Variants in ZNF23 observed in about 807,000 individuals in gnomAD.
The protein encoded by ZNF23 is zinc finger protein 23.
A neutral mutation model predicts 56.2 loss-of-function variants in ZNF23; 48 were observed. The observed-to-expected ratio is 0.85, with a 90% confidence interval of 0.68 to 1.09. ZNF23 has a LOEUF of 1.09. Ranked by LOEUF, ZNF23 falls within the 50% of genes least tolerant of loss-of-function variation. ZNF23 has a pLI of 0.00. For missense variants in ZNF23, 805 were observed against 811.4 expected, an observed-to-expected ratio of 0.99 and a Z score of 0.10; for synonymous variants, 266 against 283.3, an observed-to-expected ratio of 0.94 and a Z score of 0.61.
At chr16:71,459,968 T>C (rs1370215609) in intron 1 of ZNF23, among the ~76,000 whole-genome samples, 4 of 152,222 alleles carry the variant, frequency 2.6e-5, no homozygotes, top group African/African-American at 4.8e-5. Context: ...TGTAGTGTGA[T>C]AGCTACCCCG....
At chr16:71,457,309 A>G (rs920166492) in intron 1 of ZNF23, among the ~76,000 whole-genome samples, 1 of 152,156 alleles carries the variant, frequency 6.6e-6, no homozygotes, top group Non-Finnish European at 1.5e-5. Flanking sequence ...TCAAGCCTGT[A>G]ATCCCAGCAC....
rs1490348458 is a variant in ZNF23 at position 71,453,316 on chromosome 16, T to C, written c.195A>G (p.Gln65=). The stretch of plus-strand genomic sequence containing the variant: ...CCCCCAGCTCACTTCCTCCCTCCAG[T>C]TGTGAGATCACAGCAGGTTTGAGAA... ...FPLLKPAVIS[Q]LEGGSELGGS... Residue 65 remains glutamine (Q), a synonymous_variant, in exon 4 of 5, where the codon CAA becomes CAG. Coordinates refer to ENST00000647773, the MANE Select transcript of ZNF23 (RefSeq NM_001381984.1). 2 of 1,605,292 alleles carry C rather than the reference T, an allele frequency of 1.2e-6. No individual in the cohort carries two copies. The highest frequency in any genetic ancestry group is 2.2e-5 in the South Asian group (2 of 89,002).
At chr16:71,457,201 G>A (rs892102274) in intron 1 of ZNF23, among the ~76,000 whole-genome samples, 2 of 152,180 alleles carry the variant, frequency 1.3e-5, no homozygotes, top group African/African-American at 4.8e-5. Flanking sequence ...AGGCCAAGGC[G>A]GGTGGATCAC....
In ZNF23 at chr16:71,449,414, G is replaced by A; in HGVS notation, c.740C>T (p.Ala247Val). 1 of 1,614,200 alleles carries A rather than the reference G, an allele frequency of 6.2e-7. No individual in the cohort carries two copies. The highest frequency in any genetic ancestry group is 8.5e-7 in the Non-Finnish European group (1 of 1,180,042). The change falls in exon 5 of 5, where the codon GCT (alanine) becomes GTT (valine). Residue 247 changes from alanine to valine, a missense_variant. Ala to Val is a moderately conservative substitution (Grantham distance 64). Coordinates refer to ENST00000647773, the MANE Select transcript of ZNF23 (RefSeq NM_001381984.1). Reference sequence around the variant, plus strand: ...AATTAATTTCTCATTAATGCTGAAAGCTTTGCCACACTCCGAACACTGATA... The same window carrying A: ...AATTAATTTCTCATTAATGCTGAAAACTTTGCCACACTCCGAACACTGATA... ...KPYQCSECGK[A>V]FSINEKLIWH...
rs1356151869 is a variant in ZNF23 at position 71,449,292 on chromosome 16, T to C, written c.862A>G (p.Ile288Val). 2.5e-6 allele frequency: 4 copies of C among 1,614,072 alleles called. No homozygotes were observed. Among genetic ancestry groups the C allele is most frequent in the African/African-American group, 2.7e-5 (2 of 74,928 alleles). Residue 288 changes from isoleucine (I) to valine (V), a missense_variant, in exon 5 of 5, where the codon ATC becomes GTC. Ile to Val is a conservative substitution (Grantham distance 29). Coordinates refer to ENST00000647773, the MANE Select transcript of ZNF23 (RefSeq NM_001381984.1). ...TGATAGGGCTTCTCCCCACTGTGGA[T>C]TGTCTGATGTGTGATATAATGGGAA... Reference protein sequence around the residue: ...YSSHYITHQTIHSGEKPYQCK... With the variant: ...YSSHYITHQTVHSGEKPYQCK...
At chr16:71,456,504 TG>T (rs2043238073) in intron 2 of ZNF23, among the ~76,000 whole-genome samples, 1 of 152,088 alleles carries the variant, frequency 6.6e-6, no homozygotes, top group Non-Finnish European at 1.5e-5. Context: ...AGCCCTATGC[TG>T]GGGGTGCTCC....
chr16:71,448,990 G>A lies in ZNF23; in HGVS notation c.1164C>T (p.Phe388=). The A allele has an allele frequency of 1.9e-6, 3 of 1,614,208 alleles. No individual in the cohort carries two copies. Among genetic ancestry groups the A allele is most frequent in the Non-Finnish European group, 1.7e-6 (2 of 1,180,030 alleles). ...PYECNECGKG[F]RCSSQLRQHQ... ...GCTGCCTAAGCTGGGAGCTGCACCT[G>A]AAGCCTTTTCCACATTCATTACATT... Residue 388 remains phenylalanine (F), a synonymous_variant, in exon 5 of 5, where the codon TTC becomes TTT. Coordinates refer to ENST00000647773, the MANE Select transcript of ZNF23 (RefSeq NM_001381984.1).
intron 1 of ZNF23, among the ~76,000 whole-genome samples, chr16:71,460,316 T>C (rs1477934205): frequency 1.5e-5 from 2 of 136,626 alleles, no homozygotes; most frequent in Non-Finnish European, 3.2e-5. Flanking sequence ...CCCAAGGGGA[T>C]AGTTTTTTTT....
intron 2 of ZNF23, among the ~76,000 whole-genome samples, chr16:71,455,804 C>T (rs1055720304): frequency 5.9e-5 from 9 of 152,336 alleles, no homozygotes; most frequent in African/African-American, 2.2e-4. Flanking sequence ...TTATTCCATA[C>T]ACATCACAAA....
At chr16:71,458,991 T>A (rs1597004293) in intron 1 of ZNF23, among the ~76,000 whole-genome samples, 1 of 152,374 alleles carries the variant, frequency 6.6e-6, no homozygotes, top group Admixed American at 6.5e-5. Flanking sequence ...TTGTTTTAAA[T>A]TCACTAATTC....
At chr16:71,453,604 G>C (rs560162579) in intron 3 of ZNF23, 1 of 496,822 alleles carries the variant, frequency 2.0e-6, no homozygotes, top group East Asian at 3.3e-5. Flanking sequence ...AGCCTGGTTA[G>C]GGCCCAGACT....
In ZNF23 at chr16:71,448,356, C is replaced by T; in HGVS notation, c.1798G>A (p.Glu600Lys). The change falls in exon 5 of 5, where the codon GAG becomes AAG. Residue 600 changes from glutamate to lysine, a missense_variant. By Grantham distance (56) the Glu-to-Lys change is moderately conservative. Coordinates refer to ENST00000647773, the MANE Select transcript of ZNF23 (RefSeq NM_001381984.1). ...CACTCCTTACACTGAAAGGGTTTCTCTCCTGTATGGATTCTCTGGTGCACA... is the reference window on the plus strand; with the variant it reads ...CACTCCTTACACTGAAAGGGTTTCTTTCCTGTATGGATTCTCTGGTGCACA... Reference protein sequence around the residue: ...YIVHQRIHTGEKPFQCKECGK... With the variant: ...YIVHQRIHTGKKPFQCKECGK... 1.9e-6 allele frequency: 3 copies of T among 1,614,072 alleles called. No homozygotes were observed. The highest frequency in any genetic ancestry group is 2.5e-6 in the Non-Finnish European group (3 of 1,180,000).
At chr16:71,454,426 T>C (rs183045155) in intron 2 of ZNF23, among the ~76,000 whole-genome samples, 4 of 151,752 alleles carry the variant, frequency 2.6e-5, no homozygotes, top group African/African-American at 2.4e-5. Context: ...AAGAAAAAAA[T>C]TTCCATAAGC....
chr16:71,448,553 A>G lies in ZNF23; in HGVS notation c.1601T>C (p.Leu534Pro). The change falls in exon 5 of 5, where the codon CTA becomes CCA. Residue 534 changes from leucine to proline, a missense_variant. Physicochemically the swap from Leu to Pro is moderately conservative, Grantham distance 98 (BLOSUM62 -3). Transcript: ENST00000647773. ...AGTATGGATTCGGTGATGATCAAGT[A>G]GGTTTCTTTTAGAAGTAAAGCATCT... ...CGRCFTSKRN[L>P]LDHHRIHTGE... 1.2e-6 allele frequency: 2 copies of G among 1,613,584 alleles called. No homozygotes were observed. Among genetic ancestry groups the G allele is most frequent in the Non-Finnish European group, 1.7e-6 (2 of 1,179,902 alleles).
chr16:71,461,101 A>AT (rs1338413679), intron 1 of ZNF23, among the ~76,000 whole-genome samples: 1 of 152,174 alleles, frequency 6.6e-6, no homozygotes, highest in Non-Finnish European at 1.5e-5. Context: ...ATATGTAATT[A>AT]TTTTTTAAAA....
chr16:71,456,570 C>T, intron 2 of ZNF23, 194 bp downstream of exon 2: 1 of 389,900 alleles, frequency 2.6e-6, no homozygotes, highest in Non-Finnish European at 3.5e-6. Context: ...CTCCTGCTCT[C>T]CTGCTCACTC....
chr16:71,449,201 G>C lies in ZNF23; in HGVS notation c.953C>G (p.Thr318Arg), dbSNP rs138342039. Residue 318 changes from threonine to arginine, a missense_variant, in exon 5 of 5, where the codon ACG becomes AGG. Coordinates refer to ENST00000647773, the MANE Select transcript of ZNF23 (RefSeq NM_001381984.1). ...CTTGCACTGATAGGGCTTCTCTCCC[G>C]TATGGATTCTCTGATGCCTACTTAG... ...GSLSRHQRIH[T>R]GEKPYQCKEC... 3.1e-6 allele frequency: 5 copies of C among 1,614,028 alleles called. No homozygotes were observed. Among genetic ancestry groups the C allele is most frequent in the African/African-American group, 1.3e-5 (1 of 74,982 alleles).
At chr16:71,452,560 C>T (rs2043093332) in intron 4 of ZNF23, 1 of 152,236 alleles carries the variant, frequency 6.6e-6, no homozygotes, top group African/African-American at 2.4e-5. Context: ...CTCAGGATTC[C>T]TTTACACATT....
intron 1 of ZNF23, among the ~76,000 whole-genome samples, chr16:71,459,974 C>A (rs576560331): frequency 4.1e-4 from 62 of 152,286 alleles, no homozygotes; most frequent in Admixed American, 7.2e-4. Context: ...GTGATAGCTA[C>A]CCCGCTCAGC....
Sources: gnomAD v4.1 joint callset for allele counts (sites outside exome capture counted in the v4.1 genomes callset) on GRCh38, gnomAD v4.1.1 for gene constraint, MANE v1.5 for transcripts, NCBI Gene and HGNC (gene_info 2026-07-23, HGNC 2026-07-21) for gene names.